Variants in EPHA7 observed in about 807,000 individuals in gnomAD.
EPHA7 encodes the protein EPH receptor A7.
A neutral mutation model predicts 112.6 loss-of-function variants in EPHA7; 25 were observed. The ratio of observed to expected loss-of-function variants is 0.22; its 90% CI spans 0.16 to 0.31. The LOEUF (loss-of-function observed/expected upper bound fraction) is 0.31, where lower values mean the gene tolerates loss of function less well. Ranked by LOEUF, EPHA7 falls within the 10% of genes least tolerant of loss-of-function variation. The pLI is 1.00. For missense variants in EPHA7, 962 were observed against 1,212.6 expected (o/e 0.79, Z 3.07); for synonymous variants, 437 against 406.5 (o/e 1.07, Z -0.90).
At chr6:93,302,683 G>A (rs1027161171) in intron 5 of EPHA7, among the ~76,000 whole-genome samples, 2 of 152,272 alleles carry the variant, frequency 1.3e-5, no homozygotes, top group African/African-American at 4.8e-5. Context: ...TTATACAGAT[G>A]TTAGAAGAGC....
intron 3 of EPHA7, among the ~76,000 whole-genome samples, chr6:93,384,887 A>G (rs1440858577): frequency 6.6e-6 from 1 of 152,204 alleles, no homozygotes; most frequent in Non-Finnish European, 1.5e-5. Flanking sequence ...ATATTACTAT[A>G]TTTTCAATAG....
chr6:93,338,220 G>C (rs1774970158), intron 5 of EPHA7, among the ~76,000 whole-genome samples: 1 of 152,058 alleles, frequency 6.6e-6, no homozygotes, highest in Non-Finnish European at 1.5e-5. Context: ...GAGTGCTTGA[G>C]GAAATCACAT....
chr6:93,335,193 T>C (rs896719390), intron 5 of EPHA7, among the ~76,000 whole-genome samples: 5 of 152,142 alleles, frequency 3.3e-5, no homozygotes, highest in African/African-American at 9.7e-5. Flanking sequence ...CTTCAATGTA[T>C]TTTACGTCAA....
At chr6:93,416,302 T>C (rs1275774288) in intron 1 of EPHA7, among the ~76,000 whole-genome samples, 5 of 152,238 alleles carry the variant, frequency 3.3e-5, no homozygotes, top group Non-Finnish European at 7.3e-5. Flanking sequence ...TCAGGTACTC[T>C]ACTCTTTTTG....
intron 5 of EPHA7, among the ~76,000 whole-genome samples, chr6:93,325,258 A>G (rs755349031): frequency 6.6e-6 from 1 of 151,406 alleles, no homozygotes; most frequent in Non-Finnish European, 1.5e-5. Flanking sequence ...AGTGTTTTCT[A>G]TATTATAGAA....
chr6:93,299,728 G>A (rs1772873574), intron 5 of EPHA7, among the ~76,000 whole-genome samples: 1 of 152,132 alleles, frequency 6.6e-6, no homozygotes, highest in Admixed American at 6.5e-5. Context: ...CAACTTAAAT[G>A]CCCATCAATG....
intron 5 of EPHA7, among the ~76,000 whole-genome samples, chr6:93,320,163 T>C (rs1582514791): frequency 6.6e-6 from 1 of 152,184 alleles, no homozygotes; most frequent in Middle Eastern, 3.4e-3. Flanking sequence ...ATTGATTAGC[T>C]AACCTCCTTG....
At chr6:93,302,871 G>A (rs951244063) in intron 5 of EPHA7, among the ~76,000 whole-genome samples, 21 of 152,086 alleles carry the variant, frequency 1.4e-4, no homozygotes, top group African/African-American at 4.3e-4. Context: ...ACAGAAAAAA[G>A]GGAGAAATAC....
At chr6:93,271,275 T>G (rs1771204380) in intron 6 of EPHA7, among the ~76,000 whole-genome samples, 1 of 150,954 alleles carries the variant, frequency 6.6e-6, no homozygotes, top group South Asian at 2.1e-4. Flanking sequence ...TTTAAACTAA[T>G]TTTTCTTTAA....
At chr6:93,292,423 T>A (rs1772427131) in intron 5 of EPHA7, among the ~76,000 whole-genome samples, 2 of 152,106 alleles carry the variant, frequency 1.3e-5, no homozygotes, top group Admixed American at 6.5e-5. Flanking sequence ...AAAAACAATA[T>A]TATTTATGGG....
At chr6:93,397,102 C>T (rs1778216278) in intron 3 of EPHA7, among the ~76,000 whole-genome samples, 1 of 151,480 alleles carries the variant, frequency 6.6e-6, no homozygotes, top group South Asian at 2.1e-4. Flanking sequence ...CTAGATGTAT[C>T]ATTAACCGCA....
intron 14 of EPHA7, among the ~76,000 whole-genome samples, chr6:93,249,314 T>G (rs1770103140): frequency 6.6e-6 from 1 of 152,130 alleles, no homozygotes; most frequent in Admixed American, 6.6e-5. Flanking sequence ...GTGCTAAGAA[T>G]TTCAGTGGTT....
intron 14 of EPHA7, among the ~76,000 whole-genome samples, chr6:93,251,491 T>A (rs1770208786): frequency 6.9e-6 from 1 of 144,082 alleles, no homozygotes; most frequent in South Asian, 2.4e-4. Context: ...TTTTTAAAAA[T>A]ACTTTTTTCT....
chr6:93,250,599 T>C (rs1356586179), intron 14 of EPHA7, among the ~76,000 whole-genome samples: 1 of 152,102 alleles, frequency 6.6e-6, no homozygotes. Context: ...ATGGCATTAT[T>C]TTTCCAATGA....
intron 7 of EPHA7, among the ~76,000 whole-genome samples, chr6:93,265,862 A>C (rs949846027): frequency 2.6e-5 from 4 of 151,708 alleles, no homozygotes; most frequent in African/African-American, 9.7e-5. Flanking sequence ...CACAATAGGA[A>C]GTATAAAGTT....
At chr6:93,395,249 C>T (rs1475045866) in intron 3 of EPHA7, among the ~76,000 whole-genome samples, 1 of 151,738 alleles carries the variant, frequency 6.6e-6, no homozygotes, top group Non-Finnish European at 1.5e-5. Context: ...TCTAACAAGA[C>T]CAATACATGT....
chr6:93,354,996 T>C (rs979458799), intron 5 of EPHA7, among the ~76,000 whole-genome samples: 3 of 138,980 alleles, frequency 2.2e-5, no homozygotes, highest in African/African-American at 8.7e-5. Context: ...ATAGCTCTTA[T>C]GTCAAAATCA....
At position 93,243,476 on chromosome 6, in the gene EPHA7, T is replaced by C; in HGVS notation, c.2947A>G (p.Thr983Ala). 6.2e-7 allele frequency: 1 copy of C among 1,613,618 alleles called. No individual in the cohort carries two copies. The highest frequency in any genetic ancestry group is 8.5e-7 in the Non-Finnish European group (1 of 1,179,626). Residue 983 changes from threonine (T) to alanine (A), a missense_variant, in exon 17 of 17, where the codon ACT becomes GCT. Transcript: ENST00000369303. ...AAATGTAGCATTTGTGCTCTCATAGTCTGAATGCTGCTCATGATTTTCTTT... is the reference window on the plus strand; with the variant it reads ...AAATGTAGCATTTGTGCTCTCATAGCCTGAATGCTGCTCATGATTTTCTTT... The part of the protein sequence containing the change: ...HQKKIMSSIQ[T>A]MRAQMLHLHG...
intron 14 of EPHA7, among the ~76,000 whole-genome samples, chr6:93,247,424 T>C (rs1770002743): frequency 6.6e-6 from 1 of 152,160 alleles, no homozygotes; most frequent in South Asian, 2.1e-4. Flanking sequence ...GGTAGCAAAA[T>C]AATATGAATG....
Sources: gnomAD v4.1 joint callset for allele counts (sites outside exome capture counted in the v4.1 genomes callset) on GRCh38, gnomAD v4.1.1 for gene constraint, MANE v1.5 for transcripts, NCBI Gene and HGNC (gene_info 2026-07-23, HGNC 2026-07-21) for gene names.